The following STX2 variants were observed in gnomAD, a reference collection of about 807,000 sequenced individuals.
STX2 encodes the protein syntaxin-2.
Under a neutral mutation model 40.6 loss-of-function variants are expected in STX2, and 27 were observed. The ratio of observed to expected loss-of-function variants is 0.66; its 90% CI spans 0.49 to 0.92. The LOEUF (loss-of-function observed/expected upper bound fraction) is 0.92, where lower values mean the gene tolerates loss of function less well. STX2 is among the 40% of genes least tolerant of loss of function. STX2 has a pLI of 0.00. For synonymous variants in STX2, 123 were observed against 119.1 expected (o/e 1.03, Z -0.22); for missense variants, 328 against 366.1 (o/e 0.90, Z 0.85).
At chr12:130,816,522 A>T (rs530877918) in intron 3 of STX2, among the ~76,000 whole-genome samples, 19 of 152,330 alleles carry the variant, frequency 1.2e-4, no homozygotes, top group Admixed American at 4.6e-4. Flanking sequence ...TGGTATTTCA[A>T]ATCAGAGACC....
In STX2 at chr12:130,832,925, G is replaced by A. The variant is rs532278638; in HGVS notation, c.31-5658C>T. Among the ~76,000 whole-genome samples, 12 of 152,202 alleles carry A rather than the reference G, an allele frequency of 7.9e-5. No individual in the cohort carries two copies. In the East Asian group the frequency reaches 1.5e-3, roughly 20 times the overall value. On this transcript the variant is annotated intron_variant, in intron 1 of 10. Transcript: ENST00000392373. ...CTTTCTTATCCACAGCTCAGCTCAC[G>A]GGGTGGCCCCCTGACCCACCCGGCC...
intron 3 of STX2, among the ~76,000 whole-genome samples, chr12:130,817,604 A>C (rs576332493): frequency 8.1e-4 from 124 of 152,276 alleles, no homozygotes; most frequent in African/African-American, 3.0e-3. Context: ...AGACTCAAGA[A>C]GCCTTATAAG....
chr12:130,837,248 G>T (rs1313049580), intron 1 of STX2, among the ~76,000 whole-genome samples: 1 of 151,950 alleles, frequency 6.6e-6, no homozygotes, highest in East Asian at 1.9e-4. Context: ...GAGTACCAAG[G>T]ACTACAGGTG....
At chr12:130,800,307 T>A (rs7953184) in intron 8 of STX2, among the ~76,000 whole-genome samples, 2 of 150,824 alleles carry the variant, frequency 1.3e-5, no homozygotes, top group Non-Finnish European at 3.0e-5. Context: ...GTATTTTTTT[T>A]TTTTTTTTTT....
At chr12:130,809,896 G>A (rs551254866) in intron 4 of STX2, among the ~76,000 whole-genome samples, 96 of 152,322 alleles carry the variant, frequency 6.3e-4, no homozygotes, top group African/African-American at 2.1e-3. Flanking sequence ...ACAGTGGCGT[G>A]TACCTGTAGT....
intron 3 of STX2, among the ~76,000 whole-genome samples, chr12:130,816,424 G>A (rs1004586069): frequency 6.6e-6 from 1 of 152,200 alleles, no homozygotes; most frequent in Non-Finnish European, 1.5e-5. Context: ...CACGGGGCTT[G>A]AGCAACTCAT....
intron 3 of STX2, among the ~76,000 whole-genome samples, chr12:130,818,185 A>AT (rs1555222352): frequency 3.3e-4 from 23 of 70,540 alleles, no homozygotes; most frequent in African/African-American, 9.5e-4. Flanking sequence ...AAAAAAAAAA[A>AT]ATATATATAT....
At chr12:130,830,232 T>A (rs2136350119) in intron 1 of STX2, among the ~76,000 whole-genome samples, 1 of 152,222 alleles carries the variant, frequency 6.6e-6, no homozygotes, top group South Asian at 2.1e-4. Flanking sequence ...CACCTGCAGC[T>A]CCAGGAAAGA....
intron 6 of STX2, among the ~76,000 whole-genome samples, chr12:130,805,282 A>G (rs1206134105): frequency 1.3e-5 from 2 of 152,148 alleles, no homozygotes; most frequent in African/African-American, 4.8e-5. Context: ...AATCTACAAA[A>G]CGATTTCCAA....
chr12:130,812,402 G>A (rs752230311), intron 4 of STX2: 13 of 453,658 alleles, frequency 2.9e-5, no homozygotes, highest in Admixed American at 7.2e-5. Flanking sequence ...CTGGGGGGTC[G>A]GCTTGTGGTC....
chr12:130,837,060 G>A (rs1487880498), intron 1 of STX2, among the ~76,000 whole-genome samples: 7 of 150,248 alleles, frequency 4.7e-5, no homozygotes, highest in Non-Finnish European at 3.0e-5. Context: ...AAATTTGGCT[G>A]TATTTTGCCA....
At position 130,791,772 on chromosome 12, in the gene STX2, T is replaced by C. The variant is rs1010176084; in HGVS notation, c.*251A>G. ...CGGTTGTGCTTCTTCCGTGAACTCA[T>C]ACATTACAAGGTCAGCACTCGATGC... On this transcript the variant is annotated 3_prime_UTR_variant, in exon 11 of 11. Coordinates refer to ENST00000392373, the MANE Select transcript of STX2 (RefSeq NM_194356.4). The C allele has an allele frequency of 5.7e-5, 46 of 810,206 alleles. No homozygotes were observed. The highest frequency in any genetic ancestry group is 1.0e-5 in the Non-Finnish European group (5 of 487,154). The allele number at this position is 810,206 out of a possible 1,614,324, so 50.2% of individuals were successfully genotyped here. A position where few individuals can be genotyped will look rare whatever the true frequency, so the allele number is the denominator to read the frequency against.
At chr12:130,812,189 G>GT in intron 4 of STX2, 3 of 223,954 alleles carry the variant, frequency 1.3e-5, no homozygotes, top group South Asian at 4.6e-5. Context: ...AAAAAAAATC[G>GT]TAAGACCACT....
intron 9 of STX2, 90 bp downstream of exon 9, chr12:130,798,435 A>C (rs1477275653): frequency 2.7e-6 from 2 of 735,800 alleles, no homozygotes; most frequent in African/African-American, 3.7e-5. Context: ...ATTTCTTGGA[A>C]TACCTTTTAG....
intron 9 of STX2, 92 bp downstream of exon 9, chr12:130,798,433 G>T: frequency 2.6e-5 from 18 of 704,402 alleles, no homozygotes; most frequent in South Asian, 9.4e-5. Context: ...TTATTTCTTG[G>T]AATACCTTTT....
intron 3 of STX2, among the ~76,000 whole-genome samples, chr12:130,816,557 TC>T (rs1407653023): frequency 4.6e-5 from 7 of 152,192 alleles, no homozygotes; most frequent in African/African-American, 1.7e-4. Context: ...AACCTCCTCT[TC>T]CAGCGGCCTA....
chr12:130,832,623 C>G (rs1952608532), intron 1 of STX2, among the ~76,000 whole-genome samples: 1 of 152,168 alleles, frequency 6.6e-6, no homozygotes, highest in African/African-American at 2.4e-5. Context: ...TCAGAACTGA[C>G]ATGATGAAGC....
At chr12:130,796,950 G>C (rs549968427) in intron 9 of STX2, among the ~76,000 whole-genome samples, 2 of 152,178 alleles carry the variant, frequency 1.3e-5, no homozygotes, top group Non-Finnish European at 2.9e-5. Flanking sequence ...AGGACACTAG[G>C]AGTGGGGACG....
At chr12:130,835,947 G>C (rs1952743496) in intron 1 of STX2, among the ~76,000 whole-genome samples, 1 of 148,124 alleles carries the variant, frequency 6.8e-6, no homozygotes, top group Non-Finnish European at 1.5e-5. Context: ...TTCTTCACAG[G>C]AACAAGCATC....
Sources: gnomAD v4.1 joint callset for allele counts (sites outside exome capture counted in the v4.1 genomes callset) on GRCh38, gnomAD v4.1.1 for gene constraint, MANE v1.5 for transcripts, NCBI Gene and HGNC (gene_info 2026-07-23, HGNC 2026-07-21) for gene names.